Variants in CPXM2 observed in about 807,000 individuals in gnomAD.
CPXM2 encodes inactive carboxypeptidase-like protein X2.
CPXM2 carries 66 observed loss-of-function variants against 86.1 expected under a neutral mutation model. The observed-to-expected ratio is 0.77, with a 90% CI of 0.63 to 0.94. CPXM2 has a LOEUF of 0.94. CPXM2 is among the 40% of genes least tolerant of loss of function. The pLI is 0.00. For missense variants in CPXM2, 948 were observed against 1,026.3 expected (o/e 0.92, Z 1.04); for synonymous variants, 388 against 400.2 (o/e 0.97, Z 0.36).
rs1460299337 is a variant in CPXM2, at chr10:123,883,503, C to T, written c.305-3194G>A. Among the ~76,000 whole-genome samples the T allele has an allele frequency of 2.0e-5, 3 of 152,262 alleles. No homozygotes were observed. The East Asian group carries it at 5.8e-4, about 29-fold the overall frequency. ...TACCAGCAGGAAACAAAAATGCTGC[C>T]TGATGGGCTTAGGGTGGCCCTGGCC... On this transcript the variant is annotated intron_variant, in intron 1 of 13. Transcript: ENST00000241305.
chr10:123,869,042 A>T (rs750904482), intron 2 of CPXM2, among the ~76,000 whole-genome samples: 3 of 152,228 alleles, frequency 2.0e-5, no homozygotes, highest in Non-Finnish European at 4.4e-5. Context: ...TGCATAGGTG[A>T]CTAAGAAAAA....
chr10:123,758,474 T>G (rs1232901463), intron 11 of CPXM2, among the ~76,000 whole-genome samples: 1 of 152,110 alleles, frequency 6.6e-6, no homozygotes, highest in East Asian at 1.9e-4. Context: ...CAAGGACACT[T>G]CCCACTGATC....
intron 6 of CPXM2, among the ~76,000 whole-genome samples, chr10:123,786,132 G>A (rs1323415492): frequency 3.3e-5 from 5 of 152,208 alleles, no homozygotes; most frequent in Admixed American, 6.5e-5. Flanking sequence ...GATTTATGCA[G>A]ATGTAGCTTT....
chr10:123,800,579 C>T (rs914331217), intron 4 of CPXM2, among the ~76,000 whole-genome samples: 1 of 151,834 alleles, frequency 6.6e-6, no homozygotes, highest in African/African-American at 2.4e-5. Flanking sequence ...TGATAAGGCC[C>T]GAGGGTGATA....
chr10:123,909,932 CAA>C (rs760563836), intron 2 of CPXM2, among the ~76,000 whole-genome samples: 3 of 152,180 alleles, frequency 2.0e-5, no homozygotes, highest in Non-Finnish European at 2.9e-5. Context: ...CACGTGGAAA[CAA>C]AGATGCCCTC....
Position 123,871,629 on chromosome 10 carries a change from G to A in CPXM2, c.403+8582C>T, listed in dbSNP as rs28413825. Among the ~76,000 whole-genome samples, 672 of 152,210 alleles carry A rather than the reference G, an allele frequency of 4.4e-3. 5 individuals are homozygous for A. Among genetic ancestry groups the A allele is most frequent in the Non-Finnish European group, 7.1e-3 (485 of 68,010 alleles). ...GGTAACTTTATCACTAGAAGATAACGTGAAAATATCTTCATGACCTTGGGG... is the reference window on the plus strand; with the variant it reads ...GGTAACTTTATCACTAGAAGATAACATGAAAATATCTTCATGACCTTGGGG... On this transcript the variant is annotated intron_variant, in intron 2 of 13. Coordinates refer to ENST00000241305, the MANE Select transcript of CPXM2 (RefSeq NM_198148.3).
rs1346504020 is a variant in CPXM2, at chr10:123,768,804, G to GA, written c.1103-83dup. ...GGTGCTTGTCACATTGTGTTGGGGG[G>GA]AAAGTCTTGAATAATATAAGCTTAC... On this transcript the variant is annotated intron_variant, in intron 8 of 13. Coordinates refer to ENST00000241305, the MANE Select transcript of CPXM2 (RefSeq NM_198148.3). The GA allele has an allele frequency of 3.0e-5, 36 of 1,217,972 alleles. No homozygotes were observed. In the Admixed American group the frequency reaches 5.4e-4, roughly 18 times the overall value. 75.4% of individuals were successfully genotyped at this position (1,217,972 alleles called of 1,614,324 possible).
At chr10:123,800,582 G>C (rs1220103700) in intron 4 of CPXM2, among the ~76,000 whole-genome samples, 1 of 152,154 alleles carries the variant, frequency 6.6e-6, no homozygotes, top group African/African-American at 2.4e-5. Flanking sequence ...TAAGGCCCGA[G>C]GGTGATACAG....
At chr10:123,803,113 G>T (rs1847495722) in intron 4 of CPXM2, among the ~76,000 whole-genome samples, 13 of 84,178 alleles carry the variant, frequency 1.5e-4, no homozygotes, top group Admixed American at 3.8e-4. Flanking sequence ...CCTCTTTGTA[G>T]TACCCTTTTT....
At chr10:123,773,073 G>GGTTGTGGTT (rs1846687173) in intron 7 of CPXM2, among the ~76,000 whole-genome samples, 1 of 146,638 alleles carries the variant, frequency 6.8e-6, no homozygotes, top group African/African-American at 2.5e-5. Flanking sequence ...TCACTTCCCT[G>GGTTGTGGTT]ATTGTGGTTA....
rs550032711 is a variant in CPXM2, at chr10:123,768,697, C to T, written c.1128G>A (p.Ala376=). ...CCAGCACCTCATTGCCGTGGGCCCC[C>T]GCGATGTAGTGGAACTCGGGCTCAC... ...EVGEPEFHYI[A]GAHGNEVLGR... is the part of the protein sequence containing the mutation. Residue 376 remains alanine (A), a synonymous_variant, in exon 9 of 14, where the codon GCG becomes GCA. Transcript: ENST00000241305. The T allele has an allele frequency of 1.3e-5, 21 of 1,610,640 alleles. No individual in the cohort carries two copies. In the East Asian group the frequency reaches 2.2e-4, roughly 17 times the overall value.
At chr10:123,849,437 CTTTTTTTTTT>C (rs11317738) in intron 3 of CPXM2, among the ~76,000 whole-genome samples, 4 of 110,172 alleles carry the variant, frequency 3.6e-5, no homozygotes, top group Non-Finnish European at 7.0e-5. Context: ...AACGTTCACT[CTTTTTTTTTT>C]TTTTTTTTTT....
intron 1 of CPXM2, among the ~76,000 whole-genome samples, chr10:123,887,861 T>C (rs1028142527): frequency 1.3e-5 from 2 of 152,200 alleles, no homozygotes; most frequent in Non-Finnish European, 1.5e-5. Context: ...TTTTGCAATT[T>C]CCTGTGAGTT....
intron 4 of CPXM2, among the ~76,000 whole-genome samples, chr10:123,819,494 T>C (rs1847882617): frequency 1.3e-5 from 2 of 152,222 alleles, no homozygotes; most frequent in African/African-American, 4.8e-5. Context: ...TTATCATGAG[T>C]ATTTCCTCCT....
chr10:123,910,710 C>T (rs1194199087), intron 2 of CPXM2, among the ~76,000 whole-genome samples: 2 of 152,212 alleles, frequency 1.3e-5, no homozygotes, highest in Non-Finnish European at 1.5e-5. Flanking sequence ...TGACTGTATC[C>T]GTTTTCTGGG....
chr10:123,814,218 A>G (rs1290740825), intron 4 of CPXM2, among the ~76,000 whole-genome samples: 5 of 152,216 alleles, frequency 3.3e-5, no homozygotes, highest in African/African-American at 9.6e-5. Flanking sequence ...CTGAGTCAGT[A>G]GGCTTGGAAA....
chr10:123,819,449 C>T (rs534665662), intron 4 of CPXM2, among the ~76,000 whole-genome samples: 10 of 152,208 alleles, frequency 6.6e-5, no homozygotes, highest in Non-Finnish European at 1.3e-4. Context: ...ATACCATCTA[C>T]GACCATGTGA....
At chr10:123,764,933 T>C (rs1846434578) in intron 10 of CPXM2, among the ~76,000 whole-genome samples, 1 of 152,248 alleles carries the variant, frequency 6.6e-6, no homozygotes, top group Non-Finnish European at 1.5e-5. Context: ...AATTTTCATA[T>C]GCAATATTTT....
chr10:123,899,643 C>T (rs917385495), intron 2 of CPXM2, among the ~76,000 whole-genome samples: 1 of 152,100 alleles, frequency 6.6e-6, no homozygotes, highest in African/African-American at 2.4e-5. Context: ...GCAGTGAGAC[C>T]CTGGGAGGAA....
Sources: gnomAD v4.1 joint callset for allele counts (sites outside exome capture counted in the v4.1 genomes callset) on GRCh38, gnomAD v4.1.1 for gene constraint, MANE v1.5 for transcripts, NCBI Gene and HGNC (gene_info 2026-07-23, HGNC 2026-07-21) for gene names.